Variants in C4orf50 observed in about 807,000 individuals in gnomAD.
The protein encoded by C4orf50 is chromosome 4 open reading frame 50.
Under a neutral mutation model 77.2 loss-of-function variants are expected in C4orf50, and 80 were observed. The ratio of observed to expected loss-of-function variants is 1.04; its 90% confidence interval spans 0.87 to 1.25. C4orf50 has a LOEUF of 1.25. Among genes scored for constraint, C4orf50 ranks in the 50% most tolerant of loss-of-function variants. The pLI is 0.00. For missense variants in C4orf50, 1,257 were observed against 1,152.9 expected (o/e 1.09, Z -1.31); for synonymous variants, 532 against 465.3 (o/e 1.14, Z -1.84).
At chr4:5,989,972 T>C (rs572053055) in exon 28 of C4orf50, 1 of 1,409,382 alleles carries the variant, frequency 7.1e-7, no homozygotes, top group African/African-American at 1.4e-5. Context: ...GCTCTGACTT[T>C]CCCTGCGAGG....
At chr4:5,933,991 G>A (rs1158426873) in intron 7 of C4orf50, among the ~76,000 whole-genome samples, 2 of 152,086 alleles carry the variant, frequency 1.3e-5, no homozygotes, top group Admixed American at 6.5e-5. Flanking sequence ...AGAGAGAAGG[G>A]TGTCTGTGAG....
chr4:5,914,317 G>T (rs903208617), intron 7 of C4orf50, among the ~76,000 whole-genome samples: 1 of 141,328 alleles, frequency 7.1e-6, no homozygotes, highest in Non-Finnish European at 1.5e-5. Context: ...CCATTCTCCC[G>T]CCTCAGCCTC....
chr4:5,906,891 T>C (rs1465274820), intron 7 of C4orf50, among the ~76,000 whole-genome samples: 3 of 152,228 alleles, frequency 2.0e-5, no homozygotes, highest in Non-Finnish European at 4.4e-5. Flanking sequence ...TATAAGACCA[T>C]TGGTATCCAA....
chr4:5,961,702 C>T (rs1404375767), intron 33 of C4orf50, among the ~76,000 whole-genome samples: 6 of 152,294 alleles, frequency 3.9e-5, no homozygotes, highest in Non-Finnish European at 7.3e-5. Flanking sequence ...AGTGTTGGAT[C>T]TTCAGTGGCC....
At chr4:5,950,071 T>C (rs776141579) in intron 7 of C4orf50, among the ~76,000 whole-genome samples, 2 of 151,804 alleles carry the variant, frequency 1.3e-5, no homozygotes, top group Non-Finnish European at 2.9e-5. Context: ...AAAAATTGTA[T>C]AGGTTGGTGC....
intron 29 of C4orf50, among the ~76,000 whole-genome samples, chr4:5,976,820 T>C (rs983693717): frequency 3.3e-5 from 5 of 152,230 alleles, no homozygotes; most frequent in Non-Finnish European, 7.3e-5. Context: ...TAGGCGCAGA[T>C]GAAAGCTGGA....
chr4:5,974,115 C>T (rs573426340), intron 30 of C4orf50, among the ~76,000 whole-genome samples: 13 of 152,314 alleles, frequency 8.5e-5, no homozygotes, highest in African/African-American at 3.1e-4. Flanking sequence ...GGATTTGGGC[C>T]CCACCACGGA....
At chr4:6,001,875 C>A (rs1241746683) in intron 25 of C4orf50, among the ~76,000 whole-genome samples, 1 of 152,222 alleles carries the variant, frequency 6.6e-6, no homozygotes, top group Non-Finnish European at 1.5e-5. Flanking sequence ...GCACACCCAG[C>A]CCCAGCCCTG....
At chr4:5,953,158 G>A (rs778818581), downstream of C4orf50, among the ~76,000 whole-genome samples, 2 of 152,150 alleles carry the variant, frequency 1.3e-5, no homozygotes, top group African/African-American at 4.8e-5. Flanking sequence ...ATGTTCACGC[G>A]ACTTACTGTG....
In C4orf50 at chr4:6,004,281, T is replaced by A. The variant is rs370844033; in HGVS notation, c.963+3715A>T. On this transcript the variant is annotated intron_variant, in intron 25 of 33. Transcript: ENST00000531445. The stretch of plus-strand genomic sequence containing the variant: ...ATGGTGATGGTGGTGATGGTGATGG[T>A]GATGTTGGTGATGATGGTGATGGTG... Among the ~76,000 whole-genome samples the A allele has an allele frequency of 8.3e-5, 5 of 60,186 alleles. 1 individual carries two copies. Among genetic ancestry groups the A allele is most frequent in the African/African-American group, 1.7e-4 (3 of 17,180 alleles). The allele number at this position is 60,186 out of a possible 152,430, so 39.5% of individuals were successfully genotyped here.
At chr4:5,997,413 C>T (rs1001485250) in intron 25 of C4orf50, among the ~76,000 whole-genome samples, 2 of 152,220 alleles carry the variant, frequency 1.3e-5, no homozygotes, top group African/African-American at 4.8e-5. Context: ...AAACATTGCC[C>T]ATTGTCTAGT....
rs531485864 is a variant in C4orf50, at chr4:6,009,143, C to G, written c.427-611G>C. Among the ~76,000 whole-genome samples the G allele has an allele frequency of 3.0e-4, 45 of 152,328 alleles. 1 individual carries two copies. In the South Asian group the frequency reaches 8.9e-3, roughly 30 times the overall value. On this transcript the variant is annotated intron_variant, in intron 24 of 33. Coordinates refer to ENST00000531445, the Ensembl canonical transcript of C4orf50. This position sits in a 1 kb window ranked among gnomAD's most constrained non-coding sequence, Gnocchi z 5.6. ...GCTAAAATTCACTGCGGCCAGGATG[C>G]CAAGCGCCTTGTATCTGACTCAGGC...
Position 6,006,548 on chromosome 4 carries a change from A to G in C4orf50, c.963+1448T>C, listed in dbSNP as rs78629948. ...CTTCAAATGCAAAAGGAAGATGCGA[A>G]TATCACCTGCCTTCATAAGCATTAC... On this transcript the variant is annotated intron_variant, in intron 25 of 33. Transcript: ENST00000531445. Among the ~76,000 whole-genome samples the G allele has an allele frequency of 8.3e-3, 1,268 of 152,364 alleles. 13 individuals are homozygous for G. The highest frequency in any genetic ancestry group is 0.012 in the Non-Finnish European group (790 of 68,026).
chr4:5,915,377 A>AT (rs1420884938), intron 7 of C4orf50, among the ~76,000 whole-genome samples: 2 of 152,250 alleles, frequency 1.3e-5, no homozygotes, highest in African/African-American at 4.8e-5. Flanking sequence ...GACATGGTTC[A>AT]TTAGCCAACC....
intron 7 of C4orf50, among the ~76,000 whole-genome samples, chr4:5,918,733 A>G (rs2108735978): frequency 6.6e-6 from 1 of 152,370 alleles, no homozygotes; most frequent in East Asian, 1.9e-4. Flanking sequence ...GCCCTTCTGC[A>G]TTTAGCTACA....
At chr4:5,966,091 C>A (rs1461685987) in intron 32 of C4orf50, among the ~76,000 whole-genome samples, 2 of 152,250 alleles carry the variant, frequency 1.3e-5, no homozygotes, top group Non-Finnish European at 2.9e-5. Flanking sequence ...TCAAATACCA[C>A]CTGTTCCCCC....
At chr4:5,925,594 C>T (rs2108741253) in intron 7 of C4orf50, among the ~76,000 whole-genome samples, 1 of 152,362 alleles carries the variant, frequency 6.6e-6, no homozygotes, top group Non-Finnish European at 1.5e-5. Flanking sequence ...TGTCCTTTCA[C>T]CAAGCATAAC....
intron 7 of C4orf50, among the ~76,000 whole-genome samples, chr4:5,941,618 C>T (rs1024456560): frequency 6.6e-6 from 1 of 152,150 alleles, no homozygotes; most frequent in African/African-American, 2.4e-5. Flanking sequence ...TTAAGGGCAC[C>T]AATTTCTACA....
rs1201059400 is a variant in C4orf50, at chr4:6,007,067, T to C, written c.963+929A>G. On this transcript the variant is annotated intron_variant, in intron 25 of 33. Coordinates refer to ENST00000531445, the Ensembl canonical transcript of C4orf50. This position sits in a 1 kb window ranked among gnomAD's most constrained non-coding sequence, Gnocchi z 4.1. ...GGGCCTGGCTGTCAGCAGGAACTCA[T>C]TGGATGTTGGACAGATGGATGGACA... Among the ~76,000 whole-genome samples the C allele has an allele frequency of 1.3e-5, 2 of 152,088 alleles. No individual in the cohort carries two copies. The highest frequency in any genetic ancestry group is 2.4e-5 in the African/African-American group (1 of 41,404).
Sources: allele counts gnomAD v4.1 joint callset (sites outside exome capture counted in the v4.1 genomes callset), GRCh38; gene constraint gnomAD v4.1.1; non-coding constraint Gnocchi (gnomAD v3.1); transcripts MANE v1.5; gene names NCBI Gene and HGNC (gene_info 2026-07-23, HGNC 2026-07-21).